Variants in FAM13A observed in about 807,000 individuals in gnomAD.
FAM13A encodes family with sequence similarity 13 member A.
A neutral mutation model predicts 129.6 loss-of-function variants in FAM13A; 76 were observed. The ratio of observed to expected loss-of-function variants is 0.59; its 90% CI spans 0.49 to 0.71. The LOEUF is 0.71. Among genes scored for constraint, FAM13A ranks in the 30% least tolerant of loss-of-function variants. The probability of loss-of-function intolerance (pLI) is 0.00; values close to 1 mark genes in which losing one functional copy is unlikely to be tolerated. For synonymous variants in FAM13A, 443 were observed against 449.9 expected (o/e 0.98, Z 0.20); for missense variants, 1,108 against 1,249.3 (o/e 0.89, Z 1.70).
At chr4:88,734,262 TCTG>T (rs970311641) in intron 21 of FAM13A, among the ~76,000 whole-genome samples, 7 of 152,310 alleles carry the variant, frequency 4.6e-5, no homozygotes, top group African/African-American at 1.7e-4. Flanking sequence ...TTCCCAAATT[TCTG>T]CTGAGTAATG....
At chr4:88,918,762 C>A (rs543868460) in intron 5 of FAM13A, among the ~76,000 whole-genome samples, 1 of 152,290 alleles carries the variant, frequency 6.6e-6, no homozygotes, top group African/African-American at 2.4e-5. Context: ...GTGGCAGTGG[C>A]AACGCTTTGT....
At chr4:88,833,037 T>A (rs1000553514) in intron 7 of FAM13A, among the ~76,000 whole-genome samples, 5 of 152,202 alleles carry the variant, frequency 3.3e-5, no homozygotes, top group Non-Finnish European at 7.3e-5. Context: ...CTCCATGGAA[T>A]GCTATGCAGT....
chr4:89,027,063 G>T (rs1165911030), intron 2 of FAM13A, among the ~76,000 whole-genome samples: 1 of 152,056 alleles, frequency 6.6e-6, no homozygotes, highest in Non-Finnish European at 1.5e-5. Flanking sequence ...TACCGGCAGG[G>T]GATATGTTCC....
intron 6 of FAM13A, among the ~76,000 whole-genome samples, chr4:88,876,843 A>G (rs372598454): frequency 9.2e-5 from 14 of 152,114 alleles, no homozygotes; most frequent in South Asian, 8.3e-4. Context: ...CACCCGCCTC[A>G]GCCTCCCAAA....
At chr4:89,004,273 G>C (rs1339992301) in intron 3 of FAM13A, among the ~76,000 whole-genome samples, 1 of 152,068 alleles carries the variant, frequency 6.6e-6, no homozygotes, top group Admixed American at 6.6e-5. Context: ...TGAGTAGCTG[G>C]GATTACAGGC....
chr4:88,985,966 C>T (rs1762191163), intron 4 of FAM13A, among the ~76,000 whole-genome samples: 1 of 151,798 alleles, frequency 6.6e-6, no homozygotes, highest in Admixed American at 6.6e-5. Flanking sequence ...ACATAATACA[C>T]AAAATGTAAC....
chr4:88,930,510 C>G (rs1437850085), intron 5 of FAM13A, among the ~76,000 whole-genome samples: 1 of 152,104 alleles, frequency 6.6e-6, no homozygotes. Flanking sequence ...TTAGGTGAGG[C>G]TGTGGTGAAG....
intron 4 of FAM13A, among the ~76,000 whole-genome samples, chr4:88,985,173 A>C (rs1762082733): frequency 1.3e-5 from 2 of 152,212 alleles, no homozygotes; most frequent in Non-Finnish European, 2.9e-5. Context: ...TTGCTAAGTG[A>C]AAGAGTCCAG....
At chr4:88,865,363 G>T (rs922107534) in intron 6 of FAM13A, among the ~76,000 whole-genome samples, 1 of 152,144 alleles carries the variant, frequency 6.6e-6, no homozygotes, top group Admixed American at 6.5e-5. Context: ...AAACAATCAG[G>T]AATATAATTT....
intron 6 of FAM13A, among the ~76,000 whole-genome samples, chr4:88,873,452 AG>A (rs1195213944): frequency 6.6e-6 from 1 of 152,216 alleles, no homozygotes; most frequent in Non-Finnish European, 1.5e-5. Context: ...AAAATGATAA[AG>A]GGGATATCAC....
intron 21 of FAM13A, 92 bp from the exon 22 acceptor site, chr4:88,732,290 G>A (rs1325019737): frequency 6.8e-6 from 6 of 882,354 alleles, no homozygotes; most frequent in Admixed American, 2.6e-5. Flanking sequence ...TTAATTATCA[G>A]ACTCCATATA....
At chr4:89,046,965 T>C in intron 1 of FAM13A, among the ~76,000 whole-genome samples, 1 of 151,862 alleles carries the variant, frequency 6.6e-6, no homozygotes, top group Non-Finnish European at 1.5e-5. Context: ...TGGAAAGAAG[T>C]ATAGGTGGGA....
At chr4:89,018,104 T>C (rs1230489132) in intron 3 of FAM13A, among the ~76,000 whole-genome samples, 1 of 152,186 alleles carries the variant, frequency 6.6e-6, no homozygotes, top group Non-Finnish European at 1.5e-5. Context: ...TGCATCACTG[T>C]TAAGGACTGA....
chr4:88,946,200 T>C lies in FAM13A; in HGVS notation c.606-7959A>G, dbSNP rs896189543. 5.3e-5 allele frequency among the ~76,000 whole-genome samples: 8 copies of C among 150,982 alleles called. No individual in the cohort carries two copies. In the East Asian group the frequency reaches 7.8e-4, roughly 15 times the overall value. ...CCTAATTAACAATGTTTTAAGCTAATAGCCAATCAGGTAAAGTGTAAAATG... is the reference window on the plus strand; with the variant it reads ...CCTAATTAACAATGTTTTAAGCTAACAGCCAATCAGGTAAAGTGTAAAATG... On this transcript the variant is annotated intron_variant, in intron 4 of 23. Transcript: ENST00000264344.
intron 5 of FAM13A, among the ~76,000 whole-genome samples, chr4:88,919,592 T>A (rs1312331951): frequency 6.6e-6 from 1 of 152,116 alleles, no homozygotes; most frequent in Non-Finnish European, 1.5e-5. Context: ...TAGGAACAGC[T>A]CCAGTGTACA....
intron 4 of FAM13A, among the ~76,000 whole-genome samples, chr4:88,939,720 T>C (rs1426112575): frequency 1.3e-5 from 2 of 152,148 alleles, no homozygotes; most frequent in African/African-American, 4.8e-5. Flanking sequence ...CTCAGAAAAC[T>C]GAAGTGAGAG....
chr4:88,926,984 G>A (rs1561359357), intron 5 of FAM13A, among the ~76,000 whole-genome samples: 1 of 151,918 alleles, frequency 6.6e-6, no homozygotes, highest in African/African-American at 2.4e-5. Context: ...TACACCCACC[G>A]ACAGACACAC....
At chr4:88,777,846 G>A (rs1161723314) in intron 11 of FAM13A, among the ~76,000 whole-genome samples, 2 of 152,226 alleles carry the variant, frequency 1.3e-5, no homozygotes, top group East Asian at 1.9e-4. Context: ...ACCAGGGAGC[G>A]ACATTTTGCT....
intron 1 of FAM13A, among the ~76,000 whole-genome samples, chr4:89,045,025 T>C (rs1770666818): frequency 6.6e-6 from 1 of 152,194 alleles, no homozygotes; most frequent in South Asian, 2.1e-4. Flanking sequence ...ATTGTGAATA[T>C]GCTTAATCTT....
Sources: allele counts gnomAD v4.1 joint callset (sites outside exome capture counted in the v4.1 genomes callset), GRCh38; gene constraint gnomAD v4.1.1; transcripts MANE v1.5; gene names NCBI Gene and HGNC (gene_info 2026-07-23, HGNC 2026-07-21).